CPVL: variants seen among roughly 807,000 people sequenced by gnomAD.
CPVL encodes probable serine carboxypeptidase CPVL.
CPVL carries 51 observed loss-of-function variants against 63.7 expected under a neutral mutation model. That is an observed-to-expected ratio of 0.80 (90% CI 0.64 to 1.01). The LOEUF (loss-of-function observed/expected upper bound fraction) is 1.01, where lower values mean the gene tolerates loss of function less well. Ranked by LOEUF, CPVL falls within the 50% of genes least tolerant of loss-of-function variation. CPVL has a pLI of 0.00. For synonymous variants in CPVL, 195 were observed against 206.0 expected, an observed-to-expected ratio of 0.95 and a Z score of 0.46; for missense variants, 530 against 573.1, an observed-to-expected ratio of 0.92 and a Z score of 0.77.
rs1190535678 is a variant in CPVL at position 29,104,531 on chromosome 7, G to A, written c.288+8173C>T. The stretch of plus-strand genomic sequence containing the variant: ...CTGCTTTGGCCTCCCAACGTACTGG[G>A]ATTATAGGCATGAGCCACTGCACCC... On this transcript the variant is annotated intron_variant, in intron 3 of 12. Transcript: ENST00000265394. Among the ~76,000 whole-genome samples, 3 of 152,326 alleles carry A rather than the reference G, an allele frequency of 2.0e-5. No individual in the cohort carries two copies. In the East Asian group the frequency reaches 5.8e-4, roughly 29 times the overall value.
chr7:28,999,132 A>G (rs780596436), intron 12 of CPVL, among the ~76,000 whole-genome samples: 1 of 151,366 alleles, frequency 6.6e-6, no homozygotes, highest in Non-Finnish European at 1.5e-5. Flanking sequence ...GAATCACTTG[A>G]ACCTGGGAGG....
At chr7:29,075,911 T>C (rs317715) in intron 7 of CPVL, among the ~76,000 whole-genome samples, 147,152 of 149,130 alleles carry the variant, frequency 0.99, 72,644 homozygotes, top group Middle Eastern at 1. Flanking sequence ...GGCACTGAAA[T>C]ATTGTAATAA....
chr7:29,112,938 G>A (rs1214494175), intron 2 of CPVL, 116 bp from the exon 3 acceptor site: 10 of 684,002 alleles, frequency 1.5e-5, no homozygotes. Flanking sequence ...AAAGGGAACT[G>A]GTATGACAGG....
rs1783966832 is a variant in CPVL at position 28,995,433 on chromosome 7, T to C, written c.*339A>G. The C allele has an allele frequency of 5.1e-6, 1 of 195,378 alleles. No individual in the cohort carries two copies. The highest frequency in any genetic ancestry group is 2.4e-5 in the African/African-American group (1 of 42,228). The allele number at this position is 195,378 out of a possible 1,614,324, so 12.1% of individuals were successfully genotyped here. On this transcript the variant is annotated 3_prime_UTR_variant, in exon 13 of 13. Coordinates refer to ENST00000265394, the MANE Select transcript of CPVL (RefSeq NM_031311.5). ...GCAGAAAAAGATGTTACAGCTTTGTTTGTTACAACTGCACTTTTCACTTAC... is the reference window on the plus strand; with the variant it reads ...GCAGAAAAAGATGTTACAGCTTTGTCTGTTACAACTGCACTTTTCACTTAC...
chr7:29,026,140 T>C (rs1787468247), intron 12 of CPVL, among the ~76,000 whole-genome samples: 2 of 152,060 alleles, frequency 1.3e-5, no homozygotes, highest in South Asian at 4.1e-4. Flanking sequence ...TACAATGGAA[T>C]TAAACTAGAA....
At chr7:28,996,492 C>T (rs11978975) in intron 12 of CPVL, among the ~76,000 whole-genome samples, 12,838 of 149,240 alleles carry the variant, frequency 0.086, 602 homozygotes, top group Middle Eastern at 0.12. Context: ...ACATGCACTG[C>T]ACTCCAGCCT....
intron 5 of CPVL, among the ~76,000 whole-genome samples, chr7:29,178,606 T>TA (rs1301483740): frequency 4.0e-4 from 61 of 152,276 alleles, no homozygotes; most frequent in Non-Finnish European, 7.5e-4. Flanking sequence ...GTTATCTTTT[T>TA]AAAAAAAGCA....
At chr7:29,092,792 G>T in intron 5 of CPVL, 90 bp from the exon 6 acceptor site, 1 of 922,574 alleles carries the variant, frequency 1.1e-6, no homozygotes, top group Non-Finnish European at 1.8e-6. Flanking sequence ...AGGTGACCTT[G>T]TTCCAAAGGC....
intron 6 of CPVL, among the ~76,000 whole-genome samples, chr7:29,092,056 AC>A (rs1785866749): frequency 6.6e-6 from 1 of 152,176 alleles, no homozygotes; most frequent in African/African-American, 2.4e-5. Context: ...GAAAAATCTG[AC>A]CAAATAAGAA....
chr7:29,145,517 T>G (rs566932298), intron 1 of CPVL, among the ~76,000 whole-genome samples: 4 of 141,826 alleles, frequency 2.8e-5, no homozygotes, highest in African/African-American at 1.0e-4. Flanking sequence ...TGCACACGGG[T>G]CATGCATAGC....
chr7:29,060,558 T>A (rs1791169621), intron 11 of CPVL, among the ~76,000 whole-genome samples: 2 of 152,242 alleles, frequency 1.3e-5, no homozygotes, highest in African/African-American at 4.8e-5. Context: ...CCCAAACATC[T>A]GAAATTACTG....
intron 12 of CPVL, among the ~76,000 whole-genome samples, chr7:29,021,341 G>A (rs1004884811): frequency 7.9e-5 from 12 of 152,080 alleles, no homozygotes; most frequent in African/African-American, 2.2e-4. Flanking sequence ...AAAACCCTCC[G>A]TTGGAGGGGC....
At chr7:29,091,302 C>A (rs779008466) in intron 6 of CPVL, among the ~76,000 whole-genome samples, 10 of 151,796 alleles carry the variant, frequency 6.6e-5, no homozygotes, top group Non-Finnish European at 2.9e-5. Context: ...GATGCTCTGT[C>A]TTAGAGGGGG....
In CPVL at chr7:29,141,900, G is replaced by A. The variant is rs534800262; in HGVS notation, c.-11+4529C>T. 1.7e-4 allele frequency among the ~76,000 whole-genome samples: 25 copies of A among 147,782 alleles called. No homozygotes were observed. The South Asian group carries it at 5.5e-3, about 32-fold the overall frequency. ...ACCGCACTCCAGCCTAGGCAACAGA[G>A]TGAGACACCATCTCAAAAAAAAAAA... On this transcript the variant is annotated intron_variant, in intron 1 of 12. Transcript: ENST00000265394.
intron 12 of CPVL, among the ~76,000 whole-genome samples, chr7:29,016,003 C>T (rs548962349): frequency 6.6e-6 from 1 of 152,196 alleles, no homozygotes; most frequent in South Asian, 2.1e-4. Context: ...AATCATCGGT[C>T]GCCATCCTTA....
intron 6 of CPVL, among the ~76,000 whole-genome samples, chr7:29,087,549 A>C (rs1785335748): frequency 6.6e-6 from 1 of 152,206 alleles, no homozygotes; most frequent in Non-Finnish European, 1.5e-5. Context: ...TCTTTACCTG[A>C]ACAAAATATT....
At chr7:29,062,298 G>A (rs1032272783) in intron 11 of CPVL, among the ~76,000 whole-genome samples, 2 of 152,200 alleles carry the variant, frequency 1.3e-5, no homozygotes, top group Admixed American at 6.5e-5. Context: ...AAGACAACGC[G>A]TTCTGAGAGC....
chr7:29,094,395 A>G (rs1217856353), intron 5 of CPVL, among the ~76,000 whole-genome samples: 1 of 152,174 alleles, frequency 6.6e-6, no homozygotes, highest in African/African-American at 2.4e-5. Flanking sequence ...TTTTATATCT[A>G]TAACTCTATG....
At chr7:29,034,623 T>C (rs1173681526) in intron 11 of CPVL, among the ~76,000 whole-genome samples, 1 of 152,068 alleles carries the variant, frequency 6.6e-6, no homozygotes, top group East Asian at 1.9e-4. Flanking sequence ...TGTGTCCATG[T>C]GTTCTCATCG....
Sources: allele counts gnomAD v4.1 joint callset (sites outside exome capture counted in the v4.1 genomes callset), GRCh38; gene constraint gnomAD v4.1.1; transcripts MANE v1.5; gene names NCBI Gene and HGNC (gene_info 2026-07-23, HGNC 2026-07-21).